RBFOX1: variants seen among roughly 807,000 people sequenced by gnomAD.
RBFOX1 encodes the protein RNA binding protein fox-1 homolog 1.
Under a neutral mutation model 57.7 loss-of-function variants are expected in RBFOX1, and 8 were observed. The ratio of observed to expected loss-of-function variants is 0.14; its 90% CI spans 0.08 to 0.25. The LOEUF (loss-of-function observed/expected upper bound fraction) is 0.25, where lower values mean the gene tolerates loss of function less well. Ranked by LOEUF, RBFOX1 falls within the 10% of genes least tolerant of loss-of-function variation. The pLI is 1.00. For synonymous variants in RBFOX1, 326 were observed against 222.4 expected (o/e 1.47, Z -4.15); for missense variants, 611 against 548.5 (o/e 1.11, Z -1.14).
At chr16:5,549,132 T>C (rs1166249490) in intron 2 of RBFOX1, among the ~76,000 whole-genome samples, 1 of 152,148 alleles carries the variant, frequency 6.6e-6, no homozygotes, top group Non-Finnish European at 1.5e-5. Flanking sequence ...CTCACTGTAC[T>C]TGCTTCCTCC....
intron 3 of RBFOX1, among the ~76,000 whole-genome samples, chr16:6,951,573 C>T (rs1356616975): frequency 6.6e-6 from 1 of 152,084 alleles, no homozygotes; most frequent in Non-Finnish European, 1.5e-5. Flanking sequence ...ATCTCTCTTT[C>T]TCTCCTTGTA....
chr16:6,666,256 G>A lies in RBFOX1; in HGVS notation c.-16+11606G>A, dbSNP rs1248130355. On this transcript the variant is annotated intron_variant, in intron 3 of 15. Coordinates refer to ENST00000550418, the MANE Select transcript of RBFOX1 (RefSeq NM_018723.4). ...GGAGTTGAAGAATGTGACTGAGGCC[G>A]GGCACAGTGGCTCATGCCTATAATC... 3.3e-5 allele frequency among the ~76,000 whole-genome samples: 5 copies of A among 152,088 alleles called. No homozygotes were observed. In the East Asian group the frequency reaches 9.6e-4, roughly 29 times the overall value.
intron 2 of RBFOX1, among the ~76,000 whole-genome samples, chr16:6,335,324 G>A (rs1338357571): frequency 1.3e-5 from 2 of 152,134 alleles, no homozygotes; most frequent in Non-Finnish European, 2.9e-5. Context: ...TCTTGGTACT[G>A]CATGCTGCTT....
At chr16:6,154,747 A>C (rs991897494) in intron 1 of RBFOX1, among the ~76,000 whole-genome samples, 7 of 152,242 alleles carry the variant, frequency 4.6e-5, no homozygotes, top group Admixed American at 6.5e-5. Flanking sequence ...GGAAATTTGC[A>C]ATGTCTGGAA....
chr16:7,263,647 C>T (rs956739514), intron 4 of RBFOX1, among the ~76,000 whole-genome samples: 3 of 151,932 alleles, frequency 2.0e-5, no homozygotes, highest in East Asian at 1.9e-4. Context: ...CCTGTAATCC[C>T]AGCACAGAGA....
chr16:6,351,019 G>A (rs1159219895), intron 2 of RBFOX1, among the ~76,000 whole-genome samples: 1 of 152,124 alleles, frequency 6.6e-6, no homozygotes, highest in Non-Finnish European at 1.5e-5. Flanking sequence ...GTGCAAAGTT[G>A]TGATATGTCA....
chr16:7,485,879 T>G (rs1040286235), intron 4 of RBFOX1, among the ~76,000 whole-genome samples: 2 of 152,236 alleles, frequency 1.3e-5, no homozygotes, highest in African/African-American at 4.8e-5. Flanking sequence ...CCTATTTTTG[T>G]AAATAAAGTT....
chr16:6,351,372 ATTT>A lies in RBFOX1; in HGVS notation c.-64+34328_-64+34330del, dbSNP rs761394862. Among the ~76,000 whole-genome samples, 110 of 86,378 alleles carry A rather than the reference ATTT, an allele frequency of 1.3e-3. 1 individual carries two copies. The highest frequency in any genetic ancestry group is 9.2e-3 in the Admixed American group (66 of 7,160). The allele number at this position is 86,378 out of a possible 152,430, so 56.7% of individuals were successfully genotyped here. ...TGTGTGTATATATATATATATATAT[ATTT>A]TTTTTTTTTTTTCTTGAGGCAGAGT... On this transcript the variant is annotated intron_variant, in intron 2 of 15. Coordinates refer to ENST00000550418, the MANE Select transcript of RBFOX1 (RefSeq NM_018723.4).
chr16:6,578,028 T>G (rs1422631057), intron 2 of RBFOX1, among the ~76,000 whole-genome samples: 1 of 152,204 alleles, frequency 6.6e-6, no homozygotes, highest in East Asian at 1.9e-4. Flanking sequence ...CTTATTTCAT[T>G]GAAGAGCCAT....
intron 1 of RBFOX1, among the ~76,000 whole-genome samples, chr16:5,358,913 G>T (rs2065466214): frequency 6.6e-6 from 1 of 152,096 alleles, no homozygotes; most frequent in Admixed American, 6.6e-5. Flanking sequence ...TTCATCCTTT[G>T]TATGTGTTTT....
chr16:6,682,511 G>C (rs538963855), intron 3 of RBFOX1, among the ~76,000 whole-genome samples: 1 of 152,102 alleles, frequency 6.6e-6, no homozygotes, highest in East Asian at 1.9e-4. Context: ...TGTAGAAAAG[G>C]GTTTCTCAAT....
chr16:6,585,523 T>G, intron 2 of RBFOX1, among the ~76,000 whole-genome samples: 1 of 152,244 alleles, frequency 6.6e-6, no homozygotes, highest in African/African-American at 2.4e-5. Context: ...CTTGACATGT[T>G]TTGCAAGGTC....
At chr16:5,359,457 A>G (rs2065482349) in intron 1 of RBFOX1, among the ~76,000 whole-genome samples, 2 of 152,148 alleles carry the variant, frequency 1.3e-5, no homozygotes, top group Admixed American at 6.5e-5. Flanking sequence ...CCTTTTCTCC[A>G]CATTTTTGCC....
chr16:5,288,887 GA>G (rs35104569), intron 1 of RBFOX1, among the ~76,000 whole-genome samples: 64,586 of 151,708 alleles, frequency 0.43, 14,278 homozygotes, highest in Non-Finnish European at 0.5. Flanking sequence ...AGTACTTTGG[GA>G]GGCCAGGGCA....
chr16:6,169,775 T>C (rs1392672667), intron 1 of RBFOX1, among the ~76,000 whole-genome samples: 1 of 152,144 alleles, frequency 6.6e-6, no homozygotes, highest in East Asian at 1.9e-4. Context: ...TTTTCTTATT[T>C]ATTTATTTAG....
At chr16:6,912,072 A>G (rs913467765) in intron 3 of RBFOX1, among the ~76,000 whole-genome samples, 7 of 152,222 alleles carry the variant, frequency 4.6e-5, no homozygotes. Flanking sequence ...CTTCCTGTGA[A>G]TAAATATGCT....
At chr16:5,617,161 T>A (rs1831877631) in intron 3 of RBFOX1, among the ~76,000 whole-genome samples, 1 of 151,932 alleles carries the variant, frequency 6.6e-6, no homozygotes, top group African/African-American at 2.4e-5. Context: ...CGCACAGATT[T>A]AACAAATGCA....
chr16:6,251,319 C>G (rs1053703341), intron 1 of RBFOX1, among the ~76,000 whole-genome samples: 6 of 152,106 alleles, frequency 3.9e-5, no homozygotes, highest in African/African-American at 1.2e-4. Flanking sequence ...GGGGGAAGCC[C>G]TGCTTGTGAC....
At chr16:5,789,750 T>C (rs1451045480) in intron 3 of RBFOX1, among the ~76,000 whole-genome samples, 1 of 152,196 alleles carries the variant, frequency 6.6e-6, no homozygotes. Context: ...GTTCCCAGGC[T>C]CACAAGTGTC....
Sources: allele counts gnomAD v4.1 joint callset (sites outside exome capture counted in the v4.1 genomes callset), GRCh38; gene constraint gnomAD v4.1.1; transcripts MANE v1.5; gene names NCBI Gene and HGNC (gene_info 2026-07-23, HGNC 2026-07-21).